The following IDO2 variants were observed in gnomAD, a reference collection of about 807,000 sequenced individuals.
IDO2 encodes the protein indoleamine 2,3-dioxygenase 2.
A neutral mutation model predicts 45.1 loss-of-function variants in IDO2; 46 were observed. The ratio of observed to expected loss-of-function variants is 1.02; its 90% CI spans 0.80 to 1.30. The LOEUF is 1.30. Among genes scored for constraint, IDO2 ranks in the 50% most tolerant of loss-of-function variants. The pLI, the probability that IDO2 is intolerant of heterozygous loss-of-function variation, is 0.00. For synonymous variants in IDO2, 218 were observed against 184.9 expected (o/e 1.18, Z -1.45); for missense variants, 544 against 491.8 (o/e 1.11, Z -1.00).
chr8:39,951,672 T>C (rs1807816388), intron 2 of IDO2, among the ~76,000 whole-genome samples: 1 of 152,208 alleles, frequency 6.6e-6, no homozygotes, highest in Middle Eastern at 3.2e-3. Context: ...TCTTCTGACC[T>C]TGAGCCAGTG....
intron 8 of IDO2, among the ~76,000 whole-genome samples, chr8:40,002,990 T>C (rs1165762235): frequency 1.3e-5 from 2 of 152,208 alleles, no homozygotes; most frequent in Non-Finnish European, 2.9e-5. Context: ...CATTTCTTCA[T>C]ATGGCTCAAT....
At chr8:39,973,737 G>A (rs1278098350) in intron 3 of IDO2, among the ~76,000 whole-genome samples, 4 of 98,424 alleles carry the variant, frequency 4.1e-5, no homozygotes, top group Admixed American at 1.4e-4. Flanking sequence ...CTTGTGTTTC[G>A]TTTTCTTCTT....
intron 3 of IDO2, among the ~76,000 whole-genome samples, chr8:39,974,187 G>A (rs1808224845): frequency 6.6e-6 from 1 of 152,128 alleles, no homozygotes; most frequent in African/African-American, 2.4e-5. Flanking sequence ...GATGGCATCA[G>A]GGCAGCAATA....
chr8:39,953,454 C>T (rs1807841561), intron 2 of IDO2, among the ~76,000 whole-genome samples: 1 of 152,158 alleles, frequency 6.6e-6, no homozygotes, highest in African/African-American at 2.4e-5. Flanking sequence ...CTTTTTTAGG[C>T]TCTATGACTG....
At chr8:39,978,273 G>T (rs764620708) in intron 3 of IDO2, among the ~76,000 whole-genome samples, 4 of 152,114 alleles carry the variant, frequency 2.6e-5, no homozygotes, top group Non-Finnish European at 5.9e-5. Flanking sequence ...CTGGCGCTTC[G>T]GACCCGGGAG....
At chr8:40,010,607 A>C (rs567711837) in intron 9 of IDO2, among the ~76,000 whole-genome samples, 1 of 152,288 alleles carries the variant, frequency 6.6e-6, no homozygotes, top group South Asian at 2.1e-4. Flanking sequence ...CAAGGGCTAA[A>C]GGTGTTGAGA....
intron 9 of IDO2, among the ~76,000 whole-genome samples, chr8:40,008,593 A>G (rs73605122): frequency 0.022 from 3,282 of 152,332 alleles, 58 homozygotes; most frequent in Middle Eastern, 0.037. Flanking sequence ...AGTTCTAAGA[A>G]TTATGATAAG....
intron 10 of IDO2, among the ~76,000 whole-genome samples, chr8:40,014,576 G>T (rs1802358465): frequency 6.6e-6 from 1 of 152,164 alleles, no homozygotes; most frequent in Non-Finnish European, 1.5e-5. Flanking sequence ...TATTCAGCTA[G>T]TCAGTTCAAG....
At position 39,965,286 on chromosome 8, in the gene IDO2, G is replaced by C. The variant is rs140524934; in HGVS notation, c.195+1583G>C. On this transcript the variant is annotated intron_variant, in intron 3 of 10. Transcript: ENST00000502986. ...GGATTGCCTGAGCTCAGGAGTTCGA[G>C]ACCAGCCTGAGAAACATGGTGAAAC... Among the ~76,000 whole-genome samples the C allele has an allele frequency of 2.2e-3, 330 of 152,262 alleles. 1 individual carries two copies. The highest frequency in any genetic ancestry group is 6.8e-3 in the African/African-American group (284 of 41,562).
chr8:39,943,788 G>A (rs1408917882), intron 1 of IDO2, among the ~76,000 whole-genome samples: 2 of 150,454 alleles, frequency 1.3e-5, no homozygotes, highest in African/African-American at 4.9e-5. Context: ...CATACTGAAT[G>A]GTGAACAGTT....
At chr8:39,982,807 T>A in intron 5 of IDO2, 37 bp downstream of exon 5, 1 of 1,319,884 alleles carries the variant, frequency 7.6e-7, no homozygotes, top group Non-Finnish European at 1.1e-6. Context: ...TTTCCATAAC[T>A]TTCCCCCAGG....
rs542677886 is a variant in IDO2 at position 39,992,526 on chromosome 8, G to GT, written c.667+2694dup. On this transcript the variant is annotated intron_variant, in intron 8 of 10. Transcript: ENST00000502986. ...GATTCCCCATCAACAGAATATAGTGGTTTTTTCACACCTCTATGTTTGGAG... is the reference window on the plus strand; with the variant it reads ...GATTCCCCATCAACAGAATATAGTGGTTTTTTTCACACCTCTATGTTTGGAG... Among the ~76,000 whole-genome samples the GT allele has an allele frequency of 3.0e-4, 46 of 152,250 alleles. No individual in the cohort carries two copies. In the East Asian group the frequency reaches 6.8e-3, roughly 22 times the overall value.
At chr8:39,960,220 G>A (rs1807970924) in intron 2 of IDO2, among the ~76,000 whole-genome samples, 1 of 152,096 alleles carries the variant, frequency 6.6e-6, no homozygotes, top group Non-Finnish European at 1.5e-5. Context: ...TTTCTCCTCT[G>A]TAATTAATTT....
At chr8:39,977,776 T>G (rs1432273100) in intron 3 of IDO2, among the ~76,000 whole-genome samples, 1 of 152,236 alleles carries the variant, frequency 6.6e-6, no homozygotes, top group Non-Finnish European at 1.5e-5. Flanking sequence ...ACATTCTAGT[T>G]GTGATTCTGA....
intron 2 of IDO2, among the ~76,000 whole-genome samples, chr8:39,954,209 T>C (rs1193284528): frequency 6.6e-6 from 1 of 152,206 alleles, no homozygotes; most frequent in African/African-American, 2.4e-5. Context: ...TCTCCTGTCA[T>C]TTAAGTCCTC....
In IDO2 at chr8:39,967,032, C is replaced by G. The variant is rs189919800; in HGVS notation, c.195+3329C>G. 1.5e-3 allele frequency among the ~76,000 whole-genome samples: 228 copies of G among 152,226 alleles called. 1 individual carries two copies. The highest frequency in any genetic ancestry group is 8.4e-4 in the Non-Finnish European group (57 of 68,014). On this transcript the variant is annotated intron_variant, in intron 3 of 10. Coordinates refer to ENST00000502986, the Ensembl canonical transcript of IDO2. ...ATTAGAAATAAAAAACCACACACATCCCAGAACTCCTCAATATAAACCTAA... is the reference window on the plus strand; with the variant it reads ...ATTAGAAATAAAAAACCACACACATGCCAGAACTCCTCAATATAAACCTAA...
chr8:40,006,080 AG>A (rs1462925059), intron 9 of IDO2, among the ~76,000 whole-genome samples: 1 of 152,200 alleles, frequency 6.6e-6, no homozygotes, highest in Non-Finnish European at 1.5e-5. Context: ...TGAACTTGCC[AG>A]CACCTTGATC....
intron 10 of IDO2, 47 bp from the exon 11 acceptor site, chr8:40,015,200 A>T (rs1480631247): frequency 9.0e-7 from 1 of 1,105,988 alleles, no homozygotes; most frequent in East Asian, 2.4e-5. Flanking sequence ...GAGCTCTGCT[A>T]TATTTCCATG....
chr8:39,980,116 G>A (rs535528864), intron 4 of IDO2, among the ~76,000 whole-genome samples: 13 of 152,240 alleles, frequency 8.5e-5, no homozygotes, highest in African/African-American at 2.9e-4. Context: ...CCACCATGCC[G>A]GGCCTGAAGA....
Sources: gnomAD v4.1 joint callset for allele counts (sites outside exome capture counted in the v4.1 genomes callset) on GRCh38, gnomAD v4.1.1 for gene constraint, MANE v1.5 for transcripts, NCBI Gene and HGNC (gene_info 2026-07-23, HGNC 2026-07-21) for gene names.